MYLK3: variants seen among roughly 807,000 people sequenced by gnomAD.
The protein encoded by MYLK3 is MLC kinase.
MYLK3 carries 55 observed loss-of-function variants against 76.3 expected under a neutral mutation model. That is an observed-to-expected ratio of 0.72 (90% CI 0.58 to 0.90). MYLK3 has a LOEUF of 0.90. MYLK3 is among the 40% of genes least tolerant of loss of function. The pLI is 0.00. For missense variants in MYLK3, 973 were observed against 1,053.6 expected (o/e 0.92, Z 1.06); for synonymous variants, 416 against 425.4 (o/e 0.98, Z 0.27).
chr16:46,745,960 G>GGAGAT (rs1443726043), intron 1 of MYLK3, among the ~76,000 whole-genome samples: 2 of 152,050 alleles, frequency 1.3e-5, no homozygotes, highest in Admixed American at 6.6e-5. Flanking sequence ...GGAATAGGAA[G>GGAGAT]GAGATGTATG....
At chr16:46,750,090 G>A (rs1967103021), upstream of MYLK3, among the ~76,000 whole-genome samples, 2 of 152,208 alleles carry the variant, frequency 1.3e-5, no homozygotes. Flanking sequence ...CACCTCAGGA[G>A]GACCTCATCT....
chr16:46,721,183 A>G lies in MYLK3; in HGVS notation c.1925T>C (p.Ile642Thr). 6.2e-7 allele frequency: 1 copy of G among 1,614,110 alleles called. No homozygotes were observed. Among genetic ancestry groups the G allele is most frequent in the Non-Finnish European group, 8.5e-7 (1 of 1,180,008 alleles). The change falls in exon 9 of 13, where the codon ATA becomes ACA. Residue 642 changes from isoleucine (I) to threonine (T), a missense_variant. Coordinates refer to ENST00000394809, the MANE Select transcript of MYLK3 (RefSeq NM_182493.3). ...ATGTCCTGTCTGATTGACGCACAATATGTTCTCCGGCTGGGAAAGAAAGAA... is the reference window on the plus strand; with the variant it reads ...ATGTCCTGTCTGATTGACGCACAATGTGTTCTCCGGCTGGGAAAGAAAGAA... Reference protein sequence around the residue: ...ILHLDLKPENILCVNQTGHQI... With the variant: ...ILHLDLKPENTLCVNQTGHQI...
chr16:46,735,777 T>G (rs1966865820), intron 3 of MYLK3, among the ~76,000 whole-genome samples: 1 of 152,208 alleles, frequency 6.6e-6, no homozygotes, highest in Admixed American at 6.5e-5. Flanking sequence ...CACAGGAAAC[T>G]GCTGCCAGTC....
chr16:46,759,317 G>A (rs900023040), intron 1 of MYLK3, among the ~76,000 whole-genome samples: 1 of 152,216 alleles, frequency 6.6e-6, no homozygotes, highest in Admixed American at 6.5e-5. Context: ...ACCCCCTGAA[G>A]CTAAATCCAG....
chr16:46,744,586 C>T (rs1469106281), intron 1 of MYLK3, among the ~76,000 whole-genome samples: 1 of 152,034 alleles, frequency 6.6e-6, no homozygotes, highest in Non-Finnish European at 1.5e-5. Flanking sequence ...AGGTGATCCC[C>T]CCACCTCGGC....
chr16:46,751,136 C>T (rs1447079599), upstream of MYLK3, among the ~76,000 whole-genome samples: 5 of 148,372 alleles, frequency 3.4e-5, no homozygotes, highest in African/African-American at 1.2e-4. Flanking sequence ...TGAGGCCGGG[C>T]GTGGTGGCTC....
chr16:46,723,568 A>G (rs190636007), intron 8 of MYLK3, among the ~76,000 whole-genome samples: 1 of 151,998 alleles, frequency 6.6e-6, no homozygotes, highest in African/African-American at 2.4e-5. Flanking sequence ...GGAACTGCCA[A>G]ACTTTTTAAA....
rs1966635098 is a variant in MYLK3, at chr16:46,707,191, AG to A, written c.*512del. 1 of 152,342 alleles carries A rather than the reference AG, an allele frequency of 6.6e-6. No homozygotes were observed. The highest frequency in any genetic ancestry group is 6.5e-5 in the Admixed American group (1 of 15,292). The allele number at this position is 152,342 out of a possible 1,614,324, so 9.4% of individuals were successfully genotyped here. On this transcript the variant is annotated 3_prime_UTR_variant, in exon 13 of 13. Coordinates refer to ENST00000394809, the MANE Select transcript of MYLK3 (RefSeq NM_182493.3). Reference sequence around the variant, plus strand: ...ATTTCAAGTGATGCTGATTCTCAAAAGGGAGCATAAGTTAAAGCAAGTTTGA... The same window carrying A: ...ATTTCAAGTGATGCTGATTCTCAAAAGGAGCATAAGTTAAAGCAAGTTTGA...
In MYLK3 at chr16:46,706,056, T is replaced by TA. The variant is rs1261290895; in HGVS notation, c.*1647dup. On this transcript the variant is annotated 3_prime_UTR_variant, in exon 13 of 13. Coordinates refer to ENST00000394809, the MANE Select transcript of MYLK3 (RefSeq NM_182493.3). ...GATGACAGGGCTACTCTAATGCATATAGAAAAGTGTTTAAATGTACAGTGG... is the reference window on the plus strand; with the variant it reads ...GATGACAGGGCTACTCTAATGCATATAAGAAAAGTGTTTAAATGTACAGTGG... 3 of 151,914 alleles carry TA rather than the reference T, an allele frequency of 2.0e-5. No homozygotes were observed. Among genetic ancestry groups the TA allele is most frequent in the Admixed American group, 1.3e-4 (2 of 15,224 alleles). The allele number at this position is 151,914 out of a possible 1,614,324, so 9.4% of individuals were successfully genotyped here. A position where few individuals can be genotyped will look rare whatever the true frequency, so the allele number is the denominator to read the frequency against.
Position 46,732,346 on chromosome 16 carries a change from C to T in MYLK3, c.1324G>A (p.Ala442Thr), listed in dbSNP as rs768408009. Residue 442 changes from alanine (A) to threonine (T), a missense_variant, in exon 4 of 13, where the codon GCC becomes ACC. Physicochemically the swap from Ala to Thr is moderately conservative, Grantham distance 58. Transcript: ENST00000394809. ...CTTTTGCCCTGCTGCAGGCCCAGGG[C>T]CCCAACCTCGTGGTCATTGTCGTCA... Reference protein sequence around the residue: ...RSDDNDHEVGALGLQQGKSPG... With the variant: ...RSDDNDHEVGTLGLQQGKSPG... 2.5e-6 allele frequency: 4 copies of T among 1,613,202 alleles called. No homozygotes were observed. In the African/African-American group the frequency reaches 4.0e-5, roughly 16 times the overall value.
chr16:46,734,829 C>A (rs879904989), intron 3 of MYLK3, among the ~76,000 whole-genome samples: 2 of 152,082 alleles, frequency 1.3e-5, no homozygotes, highest in African/African-American at 4.8e-5. Context: ...CTTAACACTA[C>A]TGAGTGTACA....
intron 6 of MYLK3, among the ~76,000 whole-genome samples, chr16:46,729,361 T>C (rs1261919361): frequency 1.3e-5 from 2 of 152,152 alleles, no homozygotes; most frequent in African/African-American, 4.8e-5. Flanking sequence ...GACAGGACCT[T>C]CTTGCCCCAG....
intron 1 of MYLK3, 100 bp downstream of exon 1, chr16:46,747,617 G>A: frequency 8.6e-7 from 1 of 1,160,076 alleles, no homozygotes; most frequent in South Asian, 1.4e-5. Context: ...CACAGGAAGG[G>A]GACACCATGC....
At chr16:46,732,776 G>A in intron 3 of MYLK3, 108 bp from the exon 4 acceptor site, 3 of 929,938 alleles carry the variant, frequency 3.2e-6, no homozygotes, top group South Asian at 1.9e-5. Flanking sequence ...TGGCCCTGGG[G>A]CCCTGCTAGA....
At chr16:46,747,640 A>C in intron 1 of MYLK3, 77 bp downstream of exon 1, 1 of 1,435,156 alleles carries the variant, frequency 7.0e-7, no homozygotes, top group Non-Finnish European at 9.6e-7. Flanking sequence ...CCAGCTCTCC[A>C]AACACTGGCT....
At chr16:46,729,178 A>G (rs375478417) in intron 6 of MYLK3, 45 bp from the exon 7 acceptor site, 418 of 1,491,950 alleles carry the variant, frequency 2.8e-4, no homozygotes, top group Non-Finnish European at 3.7e-4. Context: ...CGAATGAGTC[A>G]AGAAGAGGAG....
At chr16:46,744,405 A>C (rs1596771785) in intron 1 of MYLK3, among the ~76,000 whole-genome samples, 1 of 128,730 alleles carries the variant, frequency 7.8e-6, no homozygotes. Flanking sequence ...TGGTGGTGCA[A>C]TCTTGGCTCA....
intron 8 of MYLK3, 150 bp downstream of exon 8, chr16:46,727,086 G>C: frequency 1.5e-6 from 1 of 679,982 alleles, no homozygotes; most frequent in Non-Finnish European, 2.3e-6. Context: ...GAGGCAGCAA[G>C]AGTGGCCTGT....
intron 9 of MYLK3, among the ~76,000 whole-genome samples, chr16:46,718,153 C>T (rs1440754756): frequency 1.3e-5 from 2 of 152,030 alleles, no homozygotes; most frequent in African/African-American, 4.8e-5. Flanking sequence ...GGGGACTAGG[C>T]AATTGGGGAA....
Sources: gnomAD v4.1 joint callset for allele counts (sites outside exome capture counted in the v4.1 genomes callset) on GRCh38, gnomAD v4.1.1 for gene constraint, MANE v1.5 for transcripts, NCBI Gene and HGNC (gene_info 2026-07-23, HGNC 2026-07-21) for gene names.